CASQ2: variants seen among roughly 807,000 people sequenced by gnomAD.
CASQ2 encodes calsequestrin-2.
Under a neutral mutation model 46.5 loss-of-function variants are expected in CASQ2, and 49 were observed. That is an observed-to-expected ratio of 1.05 (90% CI 0.84 to 1.34). The LOEUF (loss-of-function observed/expected upper bound fraction) is 1.34, where lower values mean the gene tolerates loss of function less well. CASQ2 is among the 40% of genes most tolerant of loss of function. The pLI, the probability that CASQ2 is intolerant of heterozygous loss-of-function variation, is 0.00. For synonymous variants in CASQ2, 174 were observed against 168.5 expected, an observed-to-expected ratio of 1.03 and a Z score of -0.25; for missense variants, 486 against 481.3, an observed-to-expected ratio of 1.01 and a Z score of -0.09.
intron 9 of CASQ2, among the ~76,000 whole-genome samples, chr1:115,703,819 G>A (rs752980926): frequency 6.6e-6 from 1 of 151,988 alleles, no homozygotes; most frequent in Non-Finnish European, 1.5e-5. Flanking sequence ...GGCTGAGGCA[G>A]GAGGATTGCT....
chr1:115,717,878 C>A lies in CASQ2; in HGVS notation c.800G>T (p.Gly267Val), dbSNP rs1201611564. ...MFETWEDDLN[G>V]IHIVAFAEKS... ...CTCTGCAAAGGCCACAATGTGGATC[C>A]CATTCAAATCATCTTCCTGTATGAG... The change falls in exon 8 of 11, where the codon GGG becomes GTG. Residue 267 changes from glycine (G) to valine (V), a missense_variant. Coordinates refer to ENST00000261448, the MANE Select transcript of CASQ2 (RefSeq NM_001232.4). 1 of 1,610,320 alleles carries A rather than the reference C, an allele frequency of 6.2e-7. No homozygotes were observed. The highest frequency in any genetic ancestry group is 8.5e-7 in the Non-Finnish European group (1 of 1,176,538).
intron 3 of CASQ2, 99 bp from the exon 4 acceptor site, chr1:115,738,434 T>G (rs1367314865): frequency 1.2e-6 from 1 of 822,740 alleles, no homozygotes; most frequent in African/African-American, 1.7e-5. Flanking sequence ...GCGGACTTTG[T>G]GGTTGGTGCC....
chr1:115,766,916 T>TAGAA (rs1339143102), intron 1 of CASQ2, among the ~76,000 whole-genome samples: 9 of 144,212 alleles, frequency 6.2e-5, no homozygotes, highest in African/African-American at 2.0e-4. Flanking sequence ...GATAGATAGA[T>TAGAA]AGAAGGATGA....
Position 115,700,731 on chromosome 1 carries a change from G to T in CASQ2, c.*510C>A. 1 of 392,334 alleles carries T rather than the reference G, an allele frequency of 2.5e-6. No homozygotes were observed. The highest frequency in any genetic ancestry group is 4.5e-6 in the Non-Finnish European group (1 of 220,866). The allele number at this position is 392,334 out of a possible 1,614,324, so 24.3% of individuals were successfully genotyped here. A position where few individuals can be genotyped will look rare whatever the true frequency, so the allele number is the denominator to read the frequency against. On this transcript the variant is annotated 3_prime_UTR_variant, in exon 11 of 11. Coordinates refer to ENST00000261448, the MANE Select transcript of CASQ2 (RefSeq NM_001232.4). ...TTTATAAGTTTGCTTCCAAGGCTGA[G>T]CCTTCTCTAAGAAGGATCATCTTGG...
At chr1:115,767,679 C>T (rs79564802) in intron 1 of CASQ2, among the ~76,000 whole-genome samples, 7,426 of 152,094 alleles carry the variant, frequency 0.049, 258 homozygotes, top group Middle Eastern at 0.082. Context: ...CCATGTAATG[C>T]GGATAAAATA....
At chr1:115,752,896 A>C (rs1648630689) in intron 1 of CASQ2, among the ~76,000 whole-genome samples, 1 of 152,242 alleles carries the variant, frequency 6.6e-6, no homozygotes, top group Admixed American at 6.5e-5. Context: ...TCAGACCAAG[A>C]CAGTGTCAGT....
chr1:115,719,671 T>G (rs988045298), intron 7 of CASQ2, among the ~76,000 whole-genome samples: 1 of 152,104 alleles, frequency 6.6e-6, no homozygotes, highest in East Asian at 1.9e-4. Context: ...CCAGGCATTT[T>G]CAAGTAATAA....
At chr1:115,751,412 G>A (rs1224251268) in intron 1 of CASQ2, among the ~76,000 whole-genome samples, 1 of 124,892 alleles carries the variant, frequency 8.0e-6, no homozygotes, top group African/African-American at 2.8e-5. Context: ...GCTCACGCCT[G>A]TAATCCCAGC....
chr1:115,753,565 G>A (rs955046329), intron 1 of CASQ2, among the ~76,000 whole-genome samples: 1 of 152,126 alleles, frequency 6.6e-6, no homozygotes, highest in African/African-American at 2.4e-5. Context: ...GGTGTGTCTC[G>A]CTTATTCAAG....
intron 1 of CASQ2, among the ~76,000 whole-genome samples, chr1:115,749,747 C>A (rs1384132792): frequency 6.6e-6 from 1 of 152,198 alleles, no homozygotes; most frequent in Non-Finnish European, 1.5e-5. Flanking sequence ...GTCTGTCTAC[C>A]TCTCACATTT....
chr1:115,736,223 C>T (rs1010169789), intron 4 of CASQ2, among the ~76,000 whole-genome samples: 3 of 151,496 alleles, frequency 2.0e-5, no homozygotes, highest in African/African-American at 7.3e-5. Context: ...TGTCACTATC[C>T]ACATATACAA....
chr1:115,760,995 T>G (rs1207623993), intron 1 of CASQ2, among the ~76,000 whole-genome samples: 1 of 152,150 alleles, frequency 6.6e-6, no homozygotes, highest in Non-Finnish European at 1.5e-5. Context: ...TTCATTTAAT[T>G]CTCCTAATTC....
chr1:115,760,761 A>G (rs1648909381), intron 1 of CASQ2, among the ~76,000 whole-genome samples: 1 of 152,344 alleles, frequency 6.6e-6, no homozygotes, highest in South Asian at 2.1e-4. Flanking sequence ...ATATGTGGCC[A>G]AAGTTGAGAA....
At chr1:115,710,317 A>G (rs1654497175) in intron 8 of CASQ2, among the ~76,000 whole-genome samples, 2 of 152,204 alleles carry the variant, frequency 1.3e-5, no homozygotes, top group South Asian at 2.1e-4. Flanking sequence ...TTTAAAGAGG[A>G]TGGAATTAAG....
intron 2 of CASQ2, among the ~76,000 whole-genome samples, chr1:115,743,581 TA>T (rs977577703): frequency 1.3e-5 from 2 of 152,022 alleles, no homozygotes; most frequent in African/African-American, 4.8e-5. Context: ...ATCTTTTTTT[TA>T]AAAAAAGACT....
At chr1:115,714,987 A>C (rs1004119234) in intron 8 of CASQ2, among the ~76,000 whole-genome samples, 1 of 152,206 alleles carries the variant, frequency 6.6e-6, no homozygotes, top group South Asian at 2.1e-4. Flanking sequence ...AGGTTCTTAC[A>C]ACTTCAGGGA....
At chr1:115,766,103 G>A (rs1649124577) in intron 1 of CASQ2, among the ~76,000 whole-genome samples, 1 of 152,186 alleles carries the variant, frequency 6.6e-6, no homozygotes, top group Non-Finnish European at 1.5e-5. Flanking sequence ...TTTTGCATGA[G>A]CAGCGCCTCC....
chr1:115,713,756 T>C lies in CASQ2; in HGVS notation c.838+4084A>G, dbSNP rs144373084. ...TGCTCGTGTCCCCTTCCCCAGTACA[T>C]GCGGCAGCACTGCACATGCTCAGAG... is the stretch of plus-strand genomic sequence containing the variant. On this transcript the variant is annotated intron_variant, in intron 8 of 10. Transcript: ENST00000261448. Among the ~76,000 whole-genome samples the C allele has an allele frequency of 6.8e-3, 1,037 of 152,252 alleles. 8 individuals are homozygous for C. Among genetic ancestry groups the C allele is most frequent in the Non-Finnish European group, 0.011 (775 of 68,026 alleles).
chr1:115,733,031 T>C (rs575282077), intron 4 of CASQ2, 57 bp from the exon 5 acceptor site: 451 of 1,280,810 alleles, frequency 3.5e-4, no homozygotes, highest in Non-Finnish European at 5.0e-4. Flanking sequence ...CACAGAAGAA[T>C]CTTCTTTTTA....
Sources: gnomAD v4.1 joint callset for allele counts (sites outside exome capture counted in the v4.1 genomes callset) on GRCh38, gnomAD v4.1.1 for gene constraint, MANE v1.5 for transcripts, NCBI Gene and HGNC (gene_info 2026-07-23, HGNC 2026-07-21) for gene names.